DNAH9: variants seen among roughly 807,000 people sequenced by gnomAD.
DNAH9 encodes DNAH9 variant protein.
In DNAH9, 345 loss-of-function variants were observed where a neutral mutation model predicts 471.6. The ratio of observed to expected loss-of-function variants is 0.73; its 90% CI spans 0.67 to 0.80. The LOEUF (loss-of-function observed/expected upper bound fraction) is 0.80. Among genes scored for constraint, DNAH9 ranks in the 30% least tolerant of loss-of-function variants. The pLI is 0.00. For missense variants in DNAH9, 5,407 were observed against 5,609.2 expected (o/e 0.96, Z 1.15); for synonymous variants, 2,093 against 2,123.6 (o/e 0.99, Z 0.40).
chr17:11,804,458 G>A (rs1969584831), intron 43 of DNAH9, among the ~76,000 whole-genome samples: 1 of 152,068 alleles, frequency 6.6e-6, no homozygotes, highest in African/African-American at 2.4e-5. Flanking sequence ...TTGAAAAGCA[G>A]GCAATGGGCA....
At chr17:11,890,481 A>G (rs1973013942) in intron 57 of DNAH9, among the ~76,000 whole-genome samples, 1 of 136,588 alleles carries the variant, frequency 7.3e-6, no homozygotes, top group African/African-American at 2.5e-5. Flanking sequence ...GCAAATGAAG[A>G]GATATTGAGA....
At chr17:11,663,248 T>C (rs1467096750) in intron 14 of DNAH9, among the ~76,000 whole-genome samples, 1 of 152,196 alleles carries the variant, frequency 6.6e-6, no homozygotes, top group African/African-American at 2.4e-5. Context: ...ACTCTGCAAC[T>C]ATTCTTTACC....
rs948709056 is a variant in DNAH9, at chr17:11,722,950, G to A, written c.5709+3460G>A. Among the ~76,000 whole-genome samples, 5 of 152,164 alleles carry A rather than the reference G, an allele frequency of 3.3e-5. No homozygotes were observed. The South Asian group carries it at 6.2e-4, about 19-fold the overall frequency. ...CCCTCTCTGTAGCAGCCATATTGTG[G>A]ATACTACACTTTTCCTTGAGACCCT... On this transcript the variant is annotated intron_variant, in intron 27 of 68. Coordinates refer to ENST00000262442, the MANE Select transcript of DNAH9 (RefSeq NM_001372.4).
At chr17:11,818,530 CAGA>C (rs985380470) in intron 45 of DNAH9, among the ~76,000 whole-genome samples, 1 of 151,774 alleles carries the variant, frequency 6.6e-6, no homozygotes, top group African/African-American at 2.4e-5. Flanking sequence ...CTGTCAGTTA[CAGA>C]AGAAGGTAAA....
rs561548530 is a variant in DNAH9 at position 11,727,457 on chromosome 17, C to T, written c.5710-361C>T. Among the ~76,000 whole-genome samples, 61 of 152,208 alleles carry T rather than the reference C, an allele frequency of 4.0e-4. 1 individual carries two copies. The South Asian group carries it at 0.012, about 30-fold the overall frequency. On this transcript the variant is annotated intron_variant, in intron 27 of 68. Coordinates refer to ENST00000262442, the MANE Select transcript of DNAH9 (RefSeq NM_001372.4). ...TTAAAGATACAGACGTAAATTTTTCCATCAGTGCATGACAAAGGCTGGGTG... is the reference window on the plus strand; with the variant it reads ...TTAAAGATACAGACGTAAATTTTTCTATCAGTGCATGACAAAGGCTGGGTG...
chr17:11,618,123 G>A (rs58305358), intron 5 of DNAH9, among the ~76,000 whole-genome samples: 248 of 152,318 alleles, frequency 1.6e-3, no homozygotes, highest in African/African-American at 5.6e-3. Flanking sequence ...GGGTTGCTGG[G>A]TGATTTGAGG....
At chr17:11,711,152 C>T (rs1022117214) in intron 26 of DNAH9, among the ~76,000 whole-genome samples, 1 of 152,086 alleles carries the variant, frequency 6.6e-6, no homozygotes, top group Admixed American at 6.6e-5. Flanking sequence ...CTATTTGGAT[C>T]ATGTGCCCAT....
chr17:11,862,194 G>A (rs1971873787), intron 50 of DNAH9, among the ~76,000 whole-genome samples: 1 of 127,730 alleles, frequency 7.8e-6, no homozygotes, highest in Non-Finnish European at 1.7e-5. Flanking sequence ...ATTGATTTTT[G>A]TATAAGGTGT....
chr17:11,606,589 A>G (rs2072513705), intron 1 of DNAH9, among the ~76,000 whole-genome samples: 1 of 151,708 alleles, frequency 6.6e-6, no homozygotes, highest in African/African-American at 2.4e-5. Flanking sequence ...AGCTGGGACT[A>G]CAGGCACGTG....
At position 11,820,644 on chromosome 17, in the gene DNAH9, AT is replaced by A. The variant is rs564410783; in HGVS notation, c.8708-1269del. ...ACCCCATCTATCTATTGAATTATTG[AT>A]TTTTTTCTTTATTTGTAGAGAATTT... is the stretch of plus-strand genomic sequence containing the variant. On this transcript the variant is annotated intron_variant, in intron 45 of 68. Coordinates refer to ENST00000262442, the MANE Select transcript of DNAH9 (RefSeq NM_001372.4). Among the ~76,000 whole-genome samples the A allele has an allele frequency of 2.2e-3, 336 of 151,920 alleles. 1 individual carries two copies. Among genetic ancestry groups the A allele is most frequent in the African/African-American group, 7.2e-3 (300 of 41,428 alleles).
chr17:11,706,067 G>T (rs1028804654), intron 26 of DNAH9, among the ~76,000 whole-genome samples: 5 of 152,018 alleles, frequency 3.3e-5, no homozygotes, highest in Non-Finnish European at 5.9e-5. Flanking sequence ...AATGTATTTT[G>T]CTTTCCAGGC....
intron 27 of DNAH9, among the ~76,000 whole-genome samples, chr17:11,719,895 C>T (rs1393503241): frequency 1.3e-5 from 2 of 152,188 alleles, no homozygotes; most frequent in African/African-American, 4.8e-5. Flanking sequence ...CTTGTCTTCA[C>T]ATAAAAGCTT....
At chr17:11,746,088 T>G (rs1372601821) in intron 31 of DNAH9, among the ~76,000 whole-genome samples, 2 of 152,198 alleles carry the variant, frequency 1.3e-5, no homozygotes, top group Non-Finnish European at 2.9e-5. Flanking sequence ...CAGTGACACA[T>G]CATAATGCAA....
chr17:11,820,099 G>C (rs1045303991), intron 45 of DNAH9, among the ~76,000 whole-genome samples: 5 of 152,072 alleles, frequency 3.3e-5, no homozygotes, highest in African/African-American at 1.2e-4. Flanking sequence ...TATTATTAAA[G>C]AGAAATCTCA....
chr17:11,774,400 A>G lies in DNAH9; in HGVS notation c.7552+5071A>G, dbSNP rs148738557. Among the ~76,000 whole-genome samples, 56 of 152,284 alleles carry G rather than the reference A, an allele frequency of 3.7e-4. No homozygotes were observed. In the East Asian group the frequency reaches 7.5e-3, roughly 20 times the overall value. ...TATAAAGACATTCCCGAGACTGGGT[A>G]ATTTATAAAGGACAGAGGTTTAATG... On this transcript the variant is annotated intron_variant, in intron 38 of 68. Coordinates refer to ENST00000262442, the MANE Select transcript of DNAH9 (RefSeq NM_001372.4).
intron 6 of DNAH9, 130 bp downstream of exon 6, chr17:11,619,911 A>G (rs1409397544): frequency 3.2e-6 from 2 of 631,876 alleles, no homozygotes; most frequent in Admixed American, 5.5e-5. Flanking sequence ...AATAATCCAT[A>G]ATAAAGGTTC....
In DNAH9 at chr17:11,680,924, A is replaced by T. The variant is rs2074123224; in HGVS notation, c.3743+35A>T. On this transcript the variant is annotated intron_variant, in intron 19 of 68. Transcript: ENST00000262442. ...GAACACTGCTGCCTCTCTTTCTGTG[A>T]ACACTGCAGTCTTTGAGTCATGGAT... 1.9e-6 allele frequency: 3 copies of T among 1,570,400 alleles called. No individual in the cohort carries two copies. In the East Asian group the frequency reaches 6.9e-5, roughly 36 times the overall value.
Position 11,689,853 on chromosome 17 carries a change from G to A in DNAH9, c.4031G>A (p.Arg1344Gln), listed in dbSNP as rs542180871. 1.4e-4 allele frequency: 222 copies of A among 1,611,254 alleles called. 5 individuals are homozygous for A. In the South Asian group the frequency reaches 2.2e-3, roughly 16 times the overall value. ...TGCAAACAGTTTGCCCGGCATATCC[G>A]AAACCTGGACAAGGAGGTCAGGGCC... ...LECKQFARHI[R>Q]NLDKEVRAWD... The change falls in exon 20 of 69, where the codon CGA (arginine) becomes CAA (glutamine). Residue 1344 changes from arginine (R) to glutamine (Q), a missense_variant. Physicochemically the swap from Arg to Gln is conservative, Grantham distance 43 (BLOSUM62 1). Coordinates refer to ENST00000262442, the MANE Select transcript of DNAH9 (RefSeq NM_001372.4).
At chr17:11,868,490 CT>C (rs1972142774) in intron 50 of DNAH9, among the ~76,000 whole-genome samples, 1 of 151,906 alleles carries the variant, frequency 6.6e-6, no homozygotes, top group Non-Finnish European at 1.5e-5. Context: ...GAAATTATGT[CT>C]TTTTTATGTT....
Sources: gnomAD v4.1 joint callset for allele counts (sites outside exome capture counted in the v4.1 genomes callset) on GRCh38, gnomAD v4.1.1 for gene constraint, MANE v1.5 for transcripts, NCBI Gene and HGNC (gene_info 2026-07-23, HGNC 2026-07-21) for gene names.